The following SMYD3 variants were observed in gnomAD, a reference collection of about 807,000 sequenced individuals.
SMYD3 encodes the protein SET and MYND domain containing 3, also known as histone-lysine N-methyltransferase SMYD3.
Under a neutral mutation model 57.7 loss-of-function variants are expected in SMYD3, and 36 were observed. That is an observed-to-expected ratio of 0.62 (90% CI 0.48 to 0.82). SMYD3 has a LOEUF of 0.82. Ranked by LOEUF, SMYD3 falls within the 40% of genes least tolerant of loss-of-function variation. The pLI is 0.00. For missense variants in SMYD3, 515 were observed against 538.8 expected, an observed-to-expected ratio of 0.96 and a Z score of 0.44; for synonymous variants, 211 against 195.0, an observed-to-expected ratio of 1.08 and a Z score of -0.68.
chr1:245,870,846 C>T (rs1003199482), intron 8 of SMYD3, among the ~76,000 whole-genome samples: 3 of 151,970 alleles, frequency 2.0e-5, no homozygotes, highest in Non-Finnish European at 4.4e-5. Flanking sequence ...CACACGAATC[C>T]ATCCAGACCC....
At chr1:246,152,627 G>A (rs1002893434) in intron 5 of SMYD3, among the ~76,000 whole-genome samples, 7 of 152,134 alleles carry the variant, frequency 4.6e-5, no homozygotes, top group Non-Finnish European at 5.9e-5. Flanking sequence ...AATTTCATTC[G>A]ATTAGATATA....
chr1:246,378,757 T>TAATA (rs2066328688), intron 1 of SMYD3, among the ~76,000 whole-genome samples: 9 of 38,202 alleles, frequency 2.4e-4, no homozygotes, highest in Admixed American at 5.9e-4. Context: ...TATAATATAT[T>TAATA]TAATATATTA....
chr1:246,190,584 C>CAAAA (rs11302731), intron 5 of SMYD3, among the ~76,000 whole-genome samples: 19 of 63,006 alleles, frequency 3.0e-4, no homozygotes, highest in South Asian at 6.2e-4. Flanking sequence ...GACTCTGTCT[C>CAAAA]AAAAAAAAAA....
chr1:245,765,678 G>C (rs1318524907), intron 10 of SMYD3, among the ~76,000 whole-genome samples: 1 of 152,136 alleles, frequency 6.6e-6, no homozygotes. Flanking sequence ...GAGAGGCTTG[G>C]CTGGGTAGGA....
chr1:245,794,769 T>A (rs538521788), intron 10 of SMYD3, among the ~76,000 whole-genome samples: 1 of 152,210 alleles, frequency 6.6e-6, no homozygotes, highest in Non-Finnish European at 1.5e-5. Flanking sequence ...ATTCAATGTA[T>A]CTTTGTGGGT....
chr1:246,082,877 C>T (rs564674068), intron 5 of SMYD3, among the ~76,000 whole-genome samples: 58 of 151,784 alleles, frequency 3.8e-4, no homozygotes, highest in Non-Finnish European at 6.5e-4. Flanking sequence ...GGATTAAGGG[C>T]GGTGCAAGAT....
intron 1 of SMYD3, among the ~76,000 whole-genome samples, chr1:246,364,508 C>T (rs967748134): frequency 6.6e-6 from 1 of 152,096 alleles, no homozygotes; most frequent in Non-Finnish European, 1.5e-5. Flanking sequence ...AGAGATATTT[C>T]AATACGTTTT....
chr1:246,303,706 G>A (rs2064933723), intron 5 of SMYD3, among the ~76,000 whole-genome samples: 1 of 152,096 alleles, frequency 6.6e-6, no homozygotes, highest in Non-Finnish European at 1.5e-5. Context: ...TTAGAACACA[G>A]CTTGACACAT....
intron 5 of SMYD3, among the ~76,000 whole-genome samples, chr1:246,243,864 C>T (rs12126631): frequency 6.6e-6 from 1 of 151,032 alleles, no homozygotes; most frequent in Non-Finnish European, 1.5e-5. Context: ...ACATTCTACA[C>T]GTTTTGTAAA....
intron 8 of SMYD3, among the ~76,000 whole-genome samples, chr1:245,906,265 A>G (rs1391467010): frequency 2.0e-5 from 3 of 152,236 alleles, no homozygotes; most frequent in Admixed American, 1.3e-4. Flanking sequence ...GTTAATCACC[A>G]GAATATACAA....
chr1:245,858,620 C>T lies in SMYD3; in HGVS notation c.952G>A (p.Glu318Lys). The change falls in exon 10 of 12, where the codon GAA (glutamate) becomes AAA (lysine). Residue 318 changes from glutamate (E) to lysine (K), a missense_variant. By Grantham distance (56) the Glu-to-Lys change is moderately conservative. Coordinates refer to ENST00000490107, the MANE Select transcript of SMYD3 (RefSeq NM_001167740.2). ...TAGATGTTGATATCGGGAAGCCGTT[C>T]AGAATTGCTGCTTATGATTGCCTGG... ...MCQAIISSNS[E>K]RLPDINIYQL... The T allele has an allele frequency of 6.2e-7, 1 of 1,614,226 alleles. No individual in the cohort carries two copies. The highest frequency in any genetic ancestry group is 8.5e-7 in the Non-Finnish European group (1 of 1,180,042).
At chr1:246,262,782 A>C (rs1429526146) in intron 5 of SMYD3, among the ~76,000 whole-genome samples, 1 of 152,202 alleles carries the variant, frequency 6.6e-6, no homozygotes, top group Non-Finnish European at 1.5e-5. Flanking sequence ...ATTTGGGTCC[A>C]GGTTTATATT....
At chr1:246,284,680 T>G (rs183696947) in intron 5 of SMYD3, among the ~76,000 whole-genome samples, 252 of 152,286 alleles carry the variant, frequency 1.7e-3, no homozygotes, top group Non-Finnish European at 2.6e-3. Flanking sequence ...CCTCCCAAAG[T>G]GCTGGGATTA....
At chr1:245,861,820 T>C (rs918436482) in intron 9 of SMYD3, among the ~76,000 whole-genome samples, 19 of 152,194 alleles carry the variant, frequency 1.2e-4, no homozygotes, top group African/African-American at 2.9e-4. Flanking sequence ...TATGTATTAA[T>C]GGACATTTTA....
At chr1:246,445,576 C>A (rs973044557) in intron 1 of SMYD3, among the ~76,000 whole-genome samples, 21 of 152,168 alleles carry the variant, frequency 1.4e-4, no homozygotes, top group African/African-American at 5.1e-4. Context: ...ATTTAAGATG[C>A]CCGGGGTCTA....
intron 8 of SMYD3, among the ~76,000 whole-genome samples, chr1:245,870,443 C>T (rs2052121056): frequency 6.6e-6 from 1 of 152,154 alleles, no homozygotes; most frequent in Admixed American, 6.5e-5. Flanking sequence ...CCTCTCCTGG[C>T]TTCTACCTCA....
At chr1:245,948,803 G>C (rs532311020) in intron 5 of SMYD3, among the ~76,000 whole-genome samples, 1 of 152,124 alleles carries the variant, frequency 6.6e-6, no homozygotes, top group African/African-American at 2.4e-5. Context: ...AAGTACCCTA[G>C]GACAGGTTAA....
At chr1:245,984,531 G>A (rs560380117) in intron 5 of SMYD3, among the ~76,000 whole-genome samples, 14 of 152,258 alleles carry the variant, frequency 9.2e-5, no homozygotes, top group African/African-American at 2.6e-4. Flanking sequence ...TTGAGTGTGC[G>A]TGAGAATCAC....
chr1:246,199,663 G>A lies in SMYD3; in HGVS notation c.531+127538C>T, dbSNP rs146533560. ...AAATTCAGAAGAGCACACCTGATTC[G>A]CTGGCTTGGTGGGGTGGATGCTTAC... On this transcript the variant is annotated intron_variant, in intron 5 of 11. Coordinates refer to ENST00000490107, the MANE Select transcript of SMYD3 (RefSeq NM_001167740.2). Among the ~76,000 whole-genome samples, 5 of 152,278 alleles carry A rather than the reference G, an allele frequency of 3.3e-5. No homozygotes were observed. In the East Asian group the frequency reaches 5.8e-4, roughly 18 times the overall value.
Sources: allele counts gnomAD v4.1 joint callset (sites outside exome capture counted in the v4.1 genomes callset), GRCh38; gene constraint gnomAD v4.1.1; transcripts MANE v1.5; gene names NCBI Gene and HGNC (gene_info 2026-07-23, HGNC 2026-07-21).